The following AK9 variants were observed in gnomAD, a reference collection of about 807,000 sequenced individuals.
The protein encoded by AK9 is adenylate kinase domain containing 1.
In AK9, 191 loss-of-function variants were observed where a neutral mutation model predicts 239.6. The observed-to-expected ratio is 0.80, with a 90% confidence interval of 0.71 to 0.90. The LOEUF is 0.90. Among genes scored for constraint, AK9 ranks in the 40% least tolerant of loss-of-function variants. The probability of loss-of-function intolerance (pLI) is 0.00; values close to 1 mark genes in which losing one functional copy is unlikely to be tolerated. For synonymous variants in AK9, 689 were observed against 721.0 expected (o/e 0.96, Z 0.71); for missense variants, 1,995 against 2,214.7 (o/e 0.90, Z 1.99).
At chr6:109,624,057 T>G (rs1795218493) in intron 12 of AK9, among the ~76,000 whole-genome samples, 1 of 152,146 alleles carries the variant, frequency 6.6e-6, no homozygotes, top group South Asian at 2.1e-4. Flanking sequence ...GGTTTTTTTT[T>G]TGTGGGGGTT....
intron 29 of AK9, chr6:109,527,611 A>G (rs74908858): frequency 2.4e-4 from 35 of 147,074 alleles, no homozygotes; most frequent in African/African-American, 8.0e-4. Context: ...AAGGAGTTGG[A>G]AAAAAAAAAC....
At chr6:109,675,016 G>C (rs1771500134) in intron 2 of AK9, among the ~76,000 whole-genome samples, 1 of 152,162 alleles carries the variant, frequency 6.6e-6, no homozygotes, top group Non-Finnish European at 1.5e-5. Flanking sequence ...GTGTCTTTCT[G>C]ATTTGTGGAA....
intron 12 of AK9, among the ~76,000 whole-genome samples, chr6:109,622,720 ATAT>A (rs1470518554): frequency 1.3e-5 from 2 of 150,096 alleles, no homozygotes; most frequent in Admixed American, 6.7e-5. Context: ...TATAACACAC[ATAT>A]TATATATTAT....
intron 16 of AK9, among the ~76,000 whole-genome samples, chr6:109,611,410 T>C (rs1345917568): frequency 6.6e-6 from 1 of 152,196 alleles, no homozygotes; most frequent in African/African-American, 2.4e-5. Flanking sequence ...TAGAAGCCGC[T>C]AATTGTCCAC....
At chr6:109,516,846 A>G (rs1462391431) in intron 29 of AK9, among the ~76,000 whole-genome samples, 1 of 151,886 alleles carries the variant, frequency 6.6e-6, no homozygotes, top group Non-Finnish European at 1.5e-5. Context: ...TGCCAGAATT[A>G]TTTTTCTGGT....
chr6:109,498,113 G>T, intron 36 of AK9, 148 bp from the exon 37 acceptor site: 2 of 713,486 alleles, frequency 2.8e-6, no homozygotes, highest in Non-Finnish European at 4.6e-6. Flanking sequence ...TCCTCTGAAA[G>T]GAAGTTCCTT....
intron 24 of AK9, among the ~76,000 whole-genome samples, chr6:109,550,774 T>C (rs1352282389): frequency 6.6e-6 from 1 of 152,210 alleles, no homozygotes; most frequent in East Asian, 1.9e-4. Context: ...TTTAGCTCAA[T>C]TGAAAGTGTA....
chr6:109,512,075 A>C (rs957829311), intron 32 of AK9, among the ~76,000 whole-genome samples: 10 of 152,198 alleles, frequency 6.6e-5, no homozygotes, highest in African/African-American at 2.4e-4. Flanking sequence ...CAGACAGTTA[A>C]GGCATTCTAA....
chr6:109,658,956 C>T (rs1356021827), intron 7 of AK9, among the ~76,000 whole-genome samples: 1 of 152,106 alleles, frequency 6.6e-6, no homozygotes, highest in Admixed American at 6.6e-5. Context: ...TGACCAATAA[C>T]TCCATAGTTA....
chr6:109,548,754 A>C (rs1783930497), intron 25 of AK9, among the ~76,000 whole-genome samples: 1 of 152,210 alleles, frequency 6.6e-6, no homozygotes, highest in South Asian at 2.1e-4. Flanking sequence ...TCTGCTGACA[A>C]AAACAGAGCT....
intron 35 of AK9, among the ~76,000 whole-genome samples, chr6:109,503,051 C>G (rs1471010068): frequency 1.3e-5 from 2 of 151,840 alleles, no homozygotes; most frequent in Non-Finnish European, 2.9e-5. Context: ...AACAAATACA[C>G]TATTCTATCT....
intron 17 of AK9, among the ~76,000 whole-genome samples, chr6:109,588,545 T>G (rs1789822134): frequency 6.6e-6 from 1 of 152,214 alleles, no homozygotes; most frequent in Non-Finnish European, 1.5e-5. Context: ...TTACATAGAT[T>G]CTCTGTTTAC....
chr6:109,649,491 C>T (rs1039441856), intron 8 of AK9, among the ~76,000 whole-genome samples: 12 of 152,038 alleles, frequency 7.9e-5, no homozygotes, highest in African/African-American at 1.9e-4. Context: ...ACAATTGCTT[C>T]GAAGAGAATA....
At chr6:109,651,925 CA>C (rs1034945195) in intron 8 of AK9, among the ~76,000 whole-genome samples, 1 of 151,928 alleles carries the variant, frequency 6.6e-6, no homozygotes, top group African/African-American at 2.4e-5. Flanking sequence ...GCCTACCAAC[CA>C]AAAAAAGTCC....
chr6:109,588,563 A>G (rs1024960571), intron 17 of AK9, among the ~76,000 whole-genome samples: 3 of 152,056 alleles, frequency 2.0e-5, no homozygotes, highest in Non-Finnish European at 4.4e-5. Flanking sequence ...TACTCTGTTG[A>G]TTATTTCTTC....
chr6:109,645,799 T>C (rs1797984204), intron 8 of AK9, among the ~76,000 whole-genome samples: 1 of 152,160 alleles, frequency 6.6e-6, no homozygotes, highest in Non-Finnish European at 1.5e-5. Context: ...TGGAGACACC[T>C]CCCAGTAGGG....
At chr6:109,599,093 T>C (rs1791516294) in intron 17 of AK9, among the ~76,000 whole-genome samples, 1 of 152,242 alleles carries the variant, frequency 6.6e-6, no homozygotes, top group South Asian at 2.1e-4. Flanking sequence ...ATTCCATTAG[T>C]CAATTTTGGC....
At chr6:109,566,068 A>G (rs192025066) in intron 21 of AK9, among the ~76,000 whole-genome samples, 2 of 152,242 alleles carry the variant, frequency 1.3e-5, no homozygotes, top group African/African-American at 4.8e-5. Context: ...TTAATCAAAG[A>G]CTGCAATAGT....
rs113232663 is a variant in AK9, at chr6:109,640,210, G to T, written c.933+1308C>A. Among the ~76,000 whole-genome samples the T allele has an allele frequency of 2.5e-3, 377 of 152,290 alleles. 2 individuals are homozygous for T. Among genetic ancestry groups the T allele is most frequent in the African/African-American group, 8.4e-3 (351 of 41,558 alleles). On this transcript the variant is annotated intron_variant, in intron 10 of 40. Coordinates refer to ENST00000424296, the MANE Select transcript of AK9 (RefSeq NM_001145128.3). ...AGACTGCTGTGCTAGCAGTGAGCAAGGCTCCATGGGCGTGGGACCTGCCGA... is the reference window on the plus strand; with the variant it reads ...AGACTGCTGTGCTAGCAGTGAGCAATGCTCCATGGGCGTGGGACCTGCCGA...
Sources: gnomAD v4.1 joint callset for allele counts (sites outside exome capture counted in the v4.1 genomes callset) on GRCh38, gnomAD v4.1.1 for gene constraint, MANE v1.5 for transcripts, NCBI Gene and HGNC (gene_info 2026-07-23, HGNC 2026-07-21) for gene names.